Variants in MORC3 observed in about 807,000 individuals in gnomAD.
MORC3 encodes the protein MORC family CW-type zinc finger protein 3.
In MORC3, 31 loss-of-function variants were observed where a neutral mutation model predicts 109.1. That is an observed-to-expected ratio of 0.28 (90% confidence interval 0.21 to 0.38). The LOEUF (loss-of-function observed/expected upper bound fraction) is 0.38. Among genes scored for constraint, MORC3 ranks in the 10% least tolerant of loss-of-function variants. The pLI, the probability that MORC3 is intolerant of heterozygous loss-of-function variation, is 1.00. For missense variants in MORC3, 867 were observed against 1,135.8 expected (o/e 0.76, Z 3.40); for synonymous variants, 395 against 380.7 (o/e 1.04, Z -0.44).
At chr21:36,331,317 G>A (rs1371975721) in intron 1 of MORC3, among the ~76,000 whole-genome samples, 1 of 151,844 alleles carries the variant, frequency 6.6e-6, no homozygotes, top group Non-Finnish European at 1.5e-5. Flanking sequence ...GTGTGTTTTT[G>A]GCCAGGCACG....
rs772323521 is a variant in MORC3 at position 36,336,870 on chromosome 21, C to A, written c.113-4C>A. 15 of 1,589,310 alleles carry A rather than the reference C, an allele frequency of 9.4e-6. No homozygotes were observed. In the East Asian group the frequency reaches 3.2e-4, roughly 34 times the overall value. On this transcript the variant is annotated splice_region_variant and splice_polypyrimidine_tract_variant and intron_variant, in intron 2 of 16. Transcript: ENST00000400485. ...CAGAATTTCTTCAAACTTGTGTTTC[C>A]CAGATAATGCTTATGATCCTGATGT...
At chr21:36,321,540 C>A (rs1358749713) in intron 1 of MORC3, among the ~76,000 whole-genome samples, 1 of 147,004 alleles carries the variant, frequency 6.8e-6, no homozygotes, top group Non-Finnish European at 1.5e-5. Flanking sequence ...CAATTTTATT[C>A]TTTTTTTCTT....
At chr21:36,343,256 C>A (rs557983291) in intron 6 of MORC3, among the ~76,000 whole-genome samples, 4 of 150,634 alleles carry the variant, frequency 2.7e-5, no homozygotes, top group Admixed American at 2.6e-4. Flanking sequence ...CCACCATGCC[C>A]GGCTAATTTT....
At chr21:36,368,902 C>A in intron 14 of MORC3, 86 bp from the exon 15 acceptor site, 2 of 1,263,312 alleles carry the variant, frequency 1.6e-6, no homozygotes, top group Non-Finnish European at 2.2e-6. Context: ...TGTTACAATA[C>A]TGCATTTGTT....
chr21:36,353,762 T>A (rs1386160840), intron 9 of MORC3, among the ~76,000 whole-genome samples: 4 of 134,284 alleles, frequency 3.0e-5, no homozygotes, highest in African/African-American at 1.2e-4. Flanking sequence ...TGTATTTTTT[T>A]TTTTTTTTTT....
intron 5 of MORC3, chr21:36,339,501 C>CAAAAAAAAAAAAAAAAAAAAAAA (rs55863855): frequency 6.9e-5 from 7 of 101,460 alleles, no homozygotes; most frequent in Non-Finnish European, 1.2e-4. Flanking sequence ...CCCGTCTTCT[C>CAAAAAAAAAAAAAAAAAAAAAAA]AAAAAAAAAA....
chr21:36,367,587 T>C (rs2146338470), intron 14 of MORC3, among the ~76,000 whole-genome samples: 1 of 152,296 alleles, frequency 6.6e-6, no homozygotes, highest in African/African-American at 2.4e-5. Context: ...TAAGGGAGTT[T>C]CAGAATGGGA....
intron 9 of MORC3, among the ~76,000 whole-genome samples, chr21:36,351,057 CTT>C (rs748042243): frequency 5.6e-3 from 401 of 71,330 alleles, no homozygotes; most frequent in African/African-American, 0.02. Flanking sequence ...GGTTGTCCTC[CTT>C]TTTTTTTTTT....
intron 1 of MORC3, among the ~76,000 whole-genome samples, chr21:36,330,871 A>G (rs568512353): frequency 1.3e-5 from 2 of 152,254 alleles, no homozygotes; most frequent in South Asian, 4.1e-4. Flanking sequence ...TTCATTAAGA[A>G]CTGTTTGTGA....
chr21:36,322,200 G>A (rs532185909), intron 1 of MORC3, among the ~76,000 whole-genome samples: 2 of 152,204 alleles, frequency 1.3e-5, no homozygotes, highest in African/African-American at 4.8e-5. Flanking sequence ...AAAATTATGC[G>A]AAATACAAAT....
intron 2 of MORC3, among the ~76,000 whole-genome samples, chr21:36,334,169 C>T (rs1331471621): frequency 6.6e-6 from 1 of 152,020 alleles, no homozygotes; most frequent in Non-Finnish European, 1.5e-5. Flanking sequence ...GTGGGAGGAT[C>T]ACGTGAGACC....
At chr21:36,347,314 G>A (rs1211515409) in intron 8 of MORC3, among the ~76,000 whole-genome samples, 1 of 152,152 alleles carries the variant, frequency 6.6e-6, no homozygotes, top group Admixed American at 6.5e-5. Flanking sequence ...TAGCATATTT[G>A]CAGAAGTAAA....
At chr21:36,354,419 C>G (rs1315550367) in intron 9 of MORC3, among the ~76,000 whole-genome samples, 2 of 150,848 alleles carry the variant, frequency 1.3e-5, no homozygotes, top group African/African-American at 4.9e-5. Flanking sequence ...ATTCTTCTGC[C>G]TCAGCCTCCT....
rs2085443829 is a variant in MORC3 at position 36,341,386 on chromosome 21, A to G, written c.609-13A>G. 1 of 1,594,762 alleles carries G rather than the reference A, an allele frequency of 6.3e-7. No individual in the cohort carries two copies. The highest frequency in any genetic ancestry group is 1.1e-5 in the South Asian group (1 of 87,636). ...AGTTAAATTTTGGTTCTTTCTAAAA[A>G]TTATTTTTACAGCTACAAAAATGCA... On this transcript the variant is annotated splice_polypyrimidine_tract_variant and intron_variant, in intron 5 of 16. Transcript: ENST00000400485.
At chr21:36,321,748 C>T (rs1402342309) in intron 1 of MORC3, among the ~76,000 whole-genome samples, 1 of 152,032 alleles carries the variant, frequency 6.6e-6, no homozygotes, top group African/African-American at 2.4e-5. Context: ...CTTCCTCTCT[C>T]GAGGTTGAGT....
intron 2 of MORC3, among the ~76,000 whole-genome samples, chr21:36,335,310 ATTTTTTTTTT>A (rs144473276): frequency 8.6e-6 from 1 of 116,718 alleles, no homozygotes; most frequent in Non-Finnish European, 1.7e-5. Flanking sequence ...AAAAGAAGGA[ATTTTTTTTTT>A]TTTTTTTTTT....
At chr21:36,341,667 C>T in intron 6 of MORC3, 121 bp downstream of exon 6, 1 of 1,370,706 alleles carries the variant, frequency 7.3e-7, no homozygotes, top group Non-Finnish European at 1.0e-6. Flanking sequence ...GAAAGTATCT[C>T]AGACATGATT....
intron 1 of MORC3, among the ~76,000 whole-genome samples, chr21:36,329,260 A>C (rs1440443864): frequency 5.9e-5 from 9 of 151,486 alleles, no homozygotes; most frequent in Non-Finnish European, 8.8e-5. Flanking sequence ...ATGTCATTGC[A>C]CTCCAGCCTG....
intron 1 of MORC3, among the ~76,000 whole-genome samples, chr21:36,322,165 A>T (rs2085201345): frequency 6.6e-6 from 1 of 152,184 alleles, no homozygotes; most frequent in Non-Finnish European, 1.5e-5. Context: ...TGGTTGAGAA[A>T]AAAAGAAGAA....
Sources: allele counts gnomAD v4.1 joint callset (sites outside exome capture counted in the v4.1 genomes callset), GRCh38; gene constraint gnomAD v4.1.1; transcripts MANE v1.5; gene names NCBI Gene and HGNC (gene_info 2026-07-23, HGNC 2026-07-21).